Variants in LYN observed in about 807,000 individuals in gnomAD.
LYN encodes tyrosine-protein kinase Lyn.
LYN carries 12 observed loss-of-function variants against 65.0 expected under a neutral mutation model. The ratio of observed to expected loss-of-function variants is 0.18; its 90% CI spans 0.12 to 0.30. The LOEUF (loss-of-function observed/expected upper bound fraction) is 0.30, where lower values mean the gene tolerates loss of function less well. LYN is among the 10% of genes least tolerant of loss of function. The pLI is 1.00. For missense variants in LYN, 380 were observed against 623.2 expected (o/e 0.61, Z 4.16); for synonymous variants, 222 against 221.2 (o/e 1.00, Z -0.03).
intron 10 of LYN, among the ~76,000 whole-genome samples, chr8:55,993,194 A>G (rs1808294098): frequency 6.6e-6 from 1 of 152,152 alleles, no homozygotes; most frequent in Admixed American, 6.5e-5. Context: ...TTCTTCCTGG[A>G]GGAATAATAA....
At chr8:55,972,128 G>A (rs1478063838) in intron 10 of LYN, among the ~76,000 whole-genome samples, 1 of 152,184 alleles carries the variant, frequency 6.6e-6, no homozygotes, top group Non-Finnish European at 1.5e-5. Context: ...TGGCCCCTTG[G>A]TGGAACCCAT....
At chr8:55,912,747 A>G (rs1244030500) in intron 1 of LYN, among the ~76,000 whole-genome samples, 1 of 151,648 alleles carries the variant, frequency 6.6e-6, no homozygotes, top group African/African-American at 2.4e-5. Flanking sequence ...ACAAAACAAA[A>G]CAAAACAGAG....
chr8:55,980,500 A>C (rs1026172621), intron 10 of LYN: 2 of 152,412 alleles, frequency 1.3e-5, no homozygotes, highest in African/African-American at 4.8e-5. Flanking sequence ...CAGACTCCCA[A>C]GTAGCTGGGA....
chr8:55,988,516 T>C lies in LYN; in HGVS notation c.1051-9830T>C, dbSNP rs539569016. 9.0e-4 allele frequency among the ~76,000 whole-genome samples: 137 copies of C among 152,286 alleles called. 2 individuals carry two copies. Among genetic ancestry groups the C allele is most frequent in the African/African-American group, 3.2e-3 (132 of 41,538 alleles). ...ATAGGCATCCTAGGGCTTTTGAACA[T>C]CATTAATTATGTGAATTCTTCTTTT... On this transcript the variant is annotated intron_variant, in intron 10 of 12. Transcript: ENST00000519728.
intron 1 of LYN, among the ~76,000 whole-genome samples, chr8:55,884,202 C>G (rs2130346571): frequency 6.6e-6 from 1 of 152,300 alleles, no homozygotes; most frequent in East Asian, 1.9e-4. Context: ...TGGGTTCAAG[C>G]AATCCTCCCT....
At chr8:55,891,068 G>T (rs1158872941) in intron 1 of LYN, among the ~76,000 whole-genome samples, 3 of 151,686 alleles carry the variant, frequency 2.0e-5, no homozygotes, top group African/African-American at 7.2e-5. Flanking sequence ...AAAAGGAAAT[G>T]CTGGCTGGGT....
chr8:55,886,536 C>T (rs1050989965), intron 1 of LYN, among the ~76,000 whole-genome samples: 3 of 152,216 alleles, frequency 2.0e-5, no homozygotes, highest in South Asian at 2.1e-4. Context: ...GCATGAGCCA[C>T]GCGCCCAGCC....
intron 1 of LYN, among the ~76,000 whole-genome samples, chr8:55,891,908 T>C (rs1011325323): frequency 6.6e-6 from 1 of 152,184 alleles, no homozygotes; most frequent in Non-Finnish European, 1.5e-5. Context: ...ATTTAATACA[T>C]GGCCACGTGG....
intron 1 of LYN, among the ~76,000 whole-genome samples, chr8:55,924,751 A>C (rs192112335): frequency 3.9e-5 from 6 of 152,298 alleles, no homozygotes; most frequent in African/African-American, 1.4e-4. Context: ...GTGAGTTTAC[A>C]GTGACTCTCC....
At chr8:55,961,988 C>G (rs1293795434) in intron 8 of LYN, among the ~76,000 whole-genome samples, 2 of 151,314 alleles carry the variant, frequency 1.3e-5, no homozygotes, top group Non-Finnish European at 2.9e-5. Context: ...ATGTATGCAT[C>G]CCCCCAAAAT....
chr8:55,908,206 G>T (rs1400243143), intron 1 of LYN, among the ~76,000 whole-genome samples: 3 of 145,366 alleles, frequency 2.1e-5, no homozygotes, highest in East Asian at 2.0e-4. Context: ...TTCCCAGACA[G>T]CTAAGCTGTT....
intron 10 of LYN, among the ~76,000 whole-genome samples, chr8:55,980,763 T>C (rs1807895057): frequency 6.6e-6 from 1 of 152,230 alleles, no homozygotes; most frequent in African/African-American, 2.4e-5. Flanking sequence ...TTTTGCCTTT[T>C]TAAAATTGTG....
At chr8:55,954,201 G>A (rs1243235842) in intron 8 of LYN, among the ~76,000 whole-genome samples, 1 of 152,166 alleles carries the variant, frequency 6.6e-6, no homozygotes, top group Non-Finnish European at 1.5e-5. Context: ...TTCTCTTAAT[G>A]TTTGTAAGGA....
At position 56,010,140 on chromosome 8, in the gene LYN, G is replaced by T; in HGVS notation, c.*30G>T. On this transcript the variant is annotated 3_prime_UTR_variant, in exon 13 of 13. Coordinates refer to ENST00000519728, the MANE Select transcript of LYN (RefSeq NM_002350.4). ...CAGGGAGACCCGTCCATTTGGCAGG[G>T]GTGGCTGCCTCATTTAGAGAGGAAA... 1 of 1,605,656 alleles carries T rather than the reference G, an allele frequency of 6.2e-7. No homozygotes were observed. Among genetic ancestry groups the T allele is most frequent in the South Asian group, 1.1e-5 (1 of 90,774 alleles).
chr8:55,953,957 G>T lies in LYN; in HGVS notation c.763G>T (p.Ala255Ser), dbSNP rs376329765. Residue 255 changes from alanine (A) to serine (S), a missense_variant, in exon 8 of 13, where the codon GCT becomes TCT. Transcript: ENST00000519728. Reference sequence around the variant, plus strand: ...CATCAAGTTGGTGAAAAGGCTTGGCGCTGGGCAGTTTGGGGAAGTCTGGAT... The same window carrying T: ...CATCAAGTTGGTGAAAAGGCTTGGCTCTGGGCAGTTTGGGGAAGTCTGGAT... ...ESIKLVKRLG[A>S]GQFGEVWMGY... 1 of 1,614,110 alleles carries T rather than the reference G, an allele frequency of 6.2e-7. No individual in the cohort carries two copies.
chr8:55,986,470 T>G (rs938725053), intron 10 of LYN, among the ~76,000 whole-genome samples: 2 of 152,248 alleles, frequency 1.3e-5, no homozygotes, highest in African/African-American at 4.8e-5. Flanking sequence ...CAAACTTTTC[T>G]TCCTGTTTTC....
At chr8:55,933,935 G>C (rs558115589) in intron 1 of LYN, among the ~76,000 whole-genome samples, 1 of 152,256 alleles carries the variant, frequency 6.6e-6, no homozygotes, top group South Asian at 2.1e-4. Flanking sequence ...AAATAATAAA[G>C]AAGGAGCTTT....
rs200287325 is a variant in LYN at position 55,954,977 on chromosome 8, A to G, written c.790+993A>G. ...AATGGTTCTAATGGAATGTGCGGTT[A>G]TTTCTGGAAAGAGTAACATGTTAGG... On this transcript the variant is annotated intron_variant, in intron 8 of 12. Transcript: ENST00000519728. 5 of 152,348 alleles carry G rather than the reference A, an allele frequency of 3.3e-5. No homozygotes were observed. In the East Asian group the frequency reaches 7.7e-4, roughly 23 times the overall value. The allele number at this position is 152,348 out of a possible 1,614,324, so 9.4% of individuals were successfully genotyped here.
chr8:55,882,733 C>A (rs1336819241), intron 1 of LYN, among the ~76,000 whole-genome samples: 1 of 152,154 alleles, frequency 6.6e-6, no homozygotes, highest in Non-Finnish European at 1.5e-5. Context: ...TTCCTGAACT[C>A]TAATTTCATT....
Sources: gnomAD v4.1 joint callset for allele counts (sites outside exome capture counted in the v4.1 genomes callset) on GRCh38, gnomAD v4.1.1 for gene constraint, MANE v1.5 for transcripts, NCBI Gene and HGNC (gene_info 2026-07-23, HGNC 2026-07-21) for gene names.